The following LPP variants were observed in gnomAD, a reference collection of about 807,000 sequenced individuals.
LPP encodes the protein LIM domain containing preferred translocation partner in lipoma.
A neutral mutation model predicts 60.4 loss-of-function variants in LPP; 38 were observed. The ratio of observed to expected loss-of-function variants is 0.63; its 90% confidence interval spans 0.49 to 0.83. The LOEUF (loss-of-function observed/expected upper bound fraction) is 0.83. Ranked by LOEUF, LPP falls within the 40% of genes least tolerant of loss-of-function variation. The pLI, the probability that LPP is intolerant of heterozygous loss-of-function variation, is 0.00. For synonymous variants in LPP, 328 were observed against 290.8 expected (o/e 1.13, Z -1.30); for missense variants, 902 against 783.6 (o/e 1.15, Z -1.80).
chr3:188,529,424 T>C (rs1161761540), intron 6 of LPP, among the ~76,000 whole-genome samples: 16 of 152,198 alleles, frequency 1.1e-4, no homozygotes, highest in Non-Finnish European at 1.2e-4. Context: ...TTGTAAGCTT[T>C]TTTGAATCCA....
At chr3:188,601,846 A>T (rs1373625237) in intron 6 of LPP, among the ~76,000 whole-genome samples, 1 of 152,018 alleles carries the variant, frequency 6.6e-6, no homozygotes, top group Non-Finnish European at 1.5e-5. Flanking sequence ...AGGCAGATGG[A>T]TCACTTGAGG....
chr3:188,221,230 C>T (rs547448332), intron 1 of LPP, among the ~76,000 whole-genome samples: 1 of 152,294 alleles, frequency 6.6e-6, no homozygotes, highest in Non-Finnish European at 1.5e-5. Flanking sequence ...CTATTTTTCT[C>T]CTCCTCATCC....
intron 7 of LPP, among the ~76,000 whole-genome samples, chr3:188,653,108 T>C (rs960470681): frequency 6.6e-6 from 1 of 152,204 alleles, no homozygotes; most frequent in Non-Finnish European, 1.5e-5. Context: ...CTACATGTTC[T>C]TTTAGCAAAA....
At chr3:188,550,280 C>T (rs1343272868) in intron 6 of LPP, among the ~76,000 whole-genome samples, 2 of 152,070 alleles carry the variant, frequency 1.3e-5, no homozygotes, top group Non-Finnish European at 2.9e-5. Context: ...CAAGGCAACA[C>T]TTAATGAAAA....
intron 2 of LPP, among the ~76,000 whole-genome samples, chr3:188,311,566 T>G (rs1204310246): frequency 6.6e-6 from 1 of 152,122 alleles, no homozygotes; most frequent in Non-Finnish European, 1.5e-5. Context: ...GTTGGAACAT[T>G]GCAGGCTATC....
intron 3 of LPP, among the ~76,000 whole-genome samples, chr3:188,391,409 T>C (rs1779668539): frequency 1.3e-5 from 2 of 152,200 alleles, no homozygotes. Flanking sequence ...GCTTGATGAA[T>C]TTGAACCTGT....
At chr3:188,603,228 T>A (rs189376948) in intron 6 of LPP, among the ~76,000 whole-genome samples, 1 of 152,128 alleles carries the variant, frequency 6.6e-6, no homozygotes, top group Admixed American at 6.6e-5. Flanking sequence ...TCATTTTCTG[T>A]TCATTCTCCA....
At chr3:188,478,805 G>C (rs1390475686) in intron 4 of LPP, among the ~76,000 whole-genome samples, 1 of 152,058 alleles carries the variant, frequency 6.6e-6, no homozygotes, top group African/African-American at 2.4e-5. Flanking sequence ...GCCTAGGCTG[G>C]AGTACAGTGG....
intron 8 of LPP, among the ~76,000 whole-genome samples, chr3:188,745,541 C>T (rs929480284): frequency 6.6e-6 from 1 of 152,196 alleles, no homozygotes; most frequent in African/African-American, 2.4e-5. Flanking sequence ...TAATTAACCA[C>T]TCAGTAAGCC....
At chr3:188,506,260 C>T (rs781240494) in intron 5 of LPP, among the ~76,000 whole-genome samples, 11 of 151,978 alleles carry the variant, frequency 7.2e-5, no homozygotes, top group Non-Finnish European at 1.2e-4. Flanking sequence ...TCTTTACATG[C>T]AAAAATGAGG....
At chr3:188,471,138 T>G (rs1801742486) in intron 4 of LPP, among the ~76,000 whole-genome samples, 1 of 152,160 alleles carries the variant, frequency 6.6e-6, no homozygotes, top group African/African-American at 2.4e-5. Flanking sequence ...ATTAGAGAGT[T>G]TATTTCTGGG....
At position 188,716,778 on chromosome 3, in the gene LPP, T is replaced by C. The variant is rs567020287; in HGVS notation, c.1240+8385T>C. On this transcript the variant is annotated intron_variant, in intron 8 of 11. Coordinates refer to ENST00000617246, the MANE Select transcript of LPP (RefSeq NM_001375462.1). Reference sequence around the variant, plus strand: ...AATCCCTTGTTGGTGAAAATGGTGATAGGTACTCAAGCAACTGATGGATGA... The same window carrying C: ...AATCCCTTGTTGGTGAAAATGGTGACAGGTACTCAAGCAACTGATGGATGA... 1.6e-4 allele frequency among the ~76,000 whole-genome samples: 25 copies of C among 152,250 alleles called. 1 individual carries two copies. Among genetic ancestry groups the C allele is most frequent in the African/African-American group, 4.6e-4 (19 of 41,554 alleles).
intron 7 of LPP, among the ~76,000 whole-genome samples, chr3:188,634,457 G>A (rs180888177): frequency 3.9e-5 from 6 of 152,236 alleles, no homozygotes; most frequent in East Asian, 1.9e-4. Flanking sequence ...CCCAACCCCC[G>A]GGCCATGGAC....
intron 2 of LPP, among the ~76,000 whole-genome samples, chr3:188,234,540 C>A (rs993855747): frequency 6.6e-6 from 1 of 152,202 alleles, no homozygotes; most frequent in Admixed American, 6.5e-5. Flanking sequence ...CTTTGATTTA[C>A]TGACTTGTGA....
intron 2 of LPP, among the ~76,000 whole-genome samples, chr3:188,232,151 T>C (rs181317362): frequency 3.3e-5 from 5 of 152,298 alleles, no homozygotes; most frequent in Admixed American, 3.3e-4. Flanking sequence ...CAGGTTCCCT[T>C]AGAGTCCACA....
chr3:188,178,034 T>C (rs1043701170), intron 1 of LPP, among the ~76,000 whole-genome samples: 1 of 152,224 alleles, frequency 6.6e-6, no homozygotes, highest in African/African-American at 2.4e-5. Flanking sequence ...TTGATATAGC[T>C]GACACTGCAG....
At chr3:188,336,830 C>G (rs929923275) in intron 2 of LPP, among the ~76,000 whole-genome samples, 5 of 152,130 alleles carry the variant, frequency 3.3e-5, no homozygotes, top group African/African-American at 1.2e-4. Context: ...ATCACATCAG[C>G]TCAGCTTTGG....
intron 9 of LPP, among the ~76,000 whole-genome samples, chr3:188,808,695 C>T (rs1055545217): frequency 6.6e-6 from 1 of 152,028 alleles, no homozygotes; most frequent in Non-Finnish European, 1.5e-5. Flanking sequence ...CTTTAAGTTC[C>T]AGGATACATG....
intron 4 of LPP, among the ~76,000 whole-genome samples, chr3:188,472,001 A>C (rs182073736): frequency 6.6e-6 from 1 of 152,252 alleles, no homozygotes; most frequent in Admixed American, 6.5e-5. Context: ...CTTGGAGCCT[A>C]ATGTTCCTGT....
Sources: gnomAD v4.1 joint callset for allele counts (sites outside exome capture counted in the v4.1 genomes callset) on GRCh38, gnomAD v4.1.1 for gene constraint, MANE v1.5 for transcripts, NCBI Gene and HGNC (gene_info 2026-07-23, HGNC 2026-07-21) for gene names.